GNAT3: variants seen among roughly 807,000 people sequenced by gnomAD.
GNAT3 encodes the protein guanine nucleotide-binding protein G(t) subunit alpha-3.
GNAT3 carries 31 observed loss-of-function variants against 37.7 expected under a neutral mutation model. The observed-to-expected ratio is 0.82, with a 90% confidence interval of 0.62 to 1.11. The LOEUF (loss-of-function observed/expected upper bound fraction) is 1.11. Among genes scored for constraint, GNAT3 ranks in the 50% most tolerant of loss-of-function variants. The pLI is 0.00. For synonymous variants in GNAT3, 138 were observed against 139.8 expected (o/e 0.99, Z 0.09); for missense variants, 437 against 412.5 (o/e 1.06, Z -0.51).
At chr7:80,492,827 G>A (rs1790619777) in intron 2 of GNAT3, among the ~76,000 whole-genome samples, 1 of 150,328 alleles carries the variant, frequency 6.7e-6, no homozygotes, top group Admixed American at 6.6e-5. Flanking sequence ...ATTATTATTG[G>A]GTAATTTTTT....
intron 4 of GNAT3, among the ~76,000 whole-genome samples, chr7:80,475,525 C>G (rs1025073057): frequency 2.0e-5 from 3 of 151,794 alleles, no homozygotes; most frequent in Non-Finnish European, 2.9e-5. Context: ...ACAAATTTCG[C>G]CATTACACTG....
chr7:80,472,878 G>A (rs960146125), intron 5 of GNAT3, among the ~76,000 whole-genome samples: 1 of 152,156 alleles, frequency 6.6e-6, no homozygotes, highest in Admixed American at 6.6e-5. Context: ...TAGGTAACCT[G>A]GAATTGGAAC....
chr7:80,463,003 G>A (rs187652993), intron 5 of GNAT3, among the ~76,000 whole-genome samples: 129 of 152,242 alleles, frequency 8.5e-4, no homozygotes, highest in Admixed American at 2.2e-3. Flanking sequence ...AGTTACTGTA[G>A]TTCTGATGTT....
chr7:80,489,193 T>G (rs74747245), intron 2 of GNAT3, among the ~76,000 whole-genome samples: 8 of 152,224 alleles, frequency 5.3e-5, no homozygotes, highest in Middle Eastern at 6.8e-3. Flanking sequence ...AAATTTCTTG[T>G]CAGTTCTCCA....
chr7:80,482,853 A>AT lies in GNAT3; in HGVS notation c.304-3856dup, dbSNP rs1790415379. ...TCCTTCCTTTTTAAAAAAATATTCT[A>AT]TTTTTAATTTCAATATACTTTATTT... On this transcript the variant is annotated intron_variant, in intron 3 of 7. Coordinates refer to ENST00000398291, the MANE Select transcript of GNAT3 (RefSeq NM_001102386.3). 2.0e-5 allele frequency among the ~76,000 whole-genome samples: 3 copies of AT among 151,782 alleles called. No individual in the cohort carries two copies. In the South Asian group the frequency reaches 6.2e-4, roughly 32 times the overall value.
intron 5 of GNAT3, among the ~76,000 whole-genome samples, chr7:80,467,309 C>T (rs1164159049): frequency 6.6e-6 from 1 of 152,110 alleles, no homozygotes; most frequent in Admixed American, 6.6e-5. Flanking sequence ...TTTTATGACT[C>T]ATTTGATAAA....
chr7:80,502,723 G>T (rs566559968), intron 1 of GNAT3, among the ~76,000 whole-genome samples: 1 of 151,146 alleles, frequency 6.6e-6, no homozygotes, highest in Non-Finnish European at 1.5e-5. Flanking sequence ...AAAAAACATA[G>T]GTTTGAATAT....
At chr7:80,497,664 GTATATACATACATA>G (rs1790757492) in intron 1 of GNAT3, among the ~76,000 whole-genome samples, 1 of 94,088 alleles carries the variant, frequency 1.1e-5, no homozygotes, top group Admixed American at 9.5e-5. Context: ...ATACATATAC[GTATATACATACATA>G]TATACACACA....
At chr7:80,497,601 C>CATATACGTATATACATATACGTATATAT (rs1790749918) in intron 1 of GNAT3, among the ~76,000 whole-genome samples, 1 of 115,632 alleles carries the variant, frequency 8.6e-6, no homozygotes, top group Non-Finnish European at 1.7e-5. Flanking sequence ...TACGTATATA[C>CATATACGTATATACATATACGTATATAT]ATATACGTAT....
intron 1 of GNAT3, among the ~76,000 whole-genome samples, chr7:80,496,441 A>G (rs1790718418): frequency 6.6e-6 from 1 of 151,998 alleles, no homozygotes; most frequent in African/African-American, 2.4e-5. Context: ...CACCCTATTT[A>G]AATTTCTAAT....
Position 80,512,047 on chromosome 7 carries a change from C to G in GNAT3, c.-121G>C. 1 of 624,476 alleles carries G rather than the reference C, an allele frequency of 1.6e-6. No homozygotes were observed. The highest frequency in any genetic ancestry group is 2.9e-5 in the East Asian group (1 of 34,888). 38.7% of individuals were successfully genotyped at this position (624,476 alleles called of 1,614,324 possible). A position where few individuals can be genotyped will look rare whatever the true frequency, so the allele number is the denominator to read the frequency against. ...GCTGAAGTACCTAGCAGTCCATTCCCTAATGCTCTAAGATTCTGCTTTGAC... is the reference window on the plus strand; with the variant it reads ...GCTGAAGTACCTAGCAGTCCATTCCGTAATGCTCTAAGATTCTGCTTTGAC... On this transcript the variant is annotated 5_prime_UTR_variant, in exon 1 of 8. Transcript: ENST00000398291.
chr7:80,496,670 C>T (rs1231690271), intron 1 of GNAT3, among the ~76,000 whole-genome samples: 6 of 152,192 alleles, frequency 3.9e-5, no homozygotes, highest in Non-Finnish European at 8.8e-5. Flanking sequence ...GTGCCTAACT[C>T]AGTAGAATCT....
intron 3 of GNAT3, 144 bp downstream of exon 3, chr7:80,488,391 C>T (rs1426125411): frequency 4.9e-6 from 3 of 608,254 alleles, no homozygotes; most frequent in African/African-American, 3.7e-5. Context: ...AAATCTTACA[C>T]AAAACAGAAT....
At chr7:80,472,836 A>T (rs73386759) in intron 5 of GNAT3, among the ~76,000 whole-genome samples, 8,327 of 152,220 alleles carry the variant, frequency 0.055, 678 homozygotes, top group African/African-American at 0.18. Context: ...AGAAAAGGTT[A>T]ACTGTGTTTC....
intron 5 of GNAT3, among the ~76,000 whole-genome samples, chr7:80,471,541 A>G (rs890922638): frequency 6.6e-6 from 1 of 152,050 alleles, no homozygotes; most frequent in South Asian, 2.1e-4. Context: ...ACTGACTTAT[A>G]AAGGACCACA....
chr7:80,470,390 T>A (rs2116153710), intron 5 of GNAT3, among the ~76,000 whole-genome samples: 1 of 152,184 alleles, frequency 6.6e-6, no homozygotes, highest in African/African-American at 2.4e-5. Context: ...CCCCGCTAAT[T>A]TTTGTATTTT....
At chr7:80,493,426 T>C (rs912820755) in intron 2 of GNAT3, among the ~76,000 whole-genome samples, 1 of 152,192 alleles carries the variant, frequency 6.6e-6, no homozygotes, top group East Asian at 1.9e-4. Flanking sequence ...TTGGTTGATA[T>C]AAAACTTACA....
intron 1 of GNAT3, among the ~76,000 whole-genome samples, chr7:80,510,240 C>T (rs570823000): frequency 1.3e-5 from 2 of 152,174 alleles, no homozygotes; most frequent in African/African-American, 2.4e-5. Context: ...TCTCAAGAGT[C>T]ATTGCTTTTG....
intron 1 of GNAT3, among the ~76,000 whole-genome samples, chr7:80,507,506 A>G (rs1790970349): frequency 6.6e-6 from 1 of 152,022 alleles, no homozygotes; most frequent in Admixed American, 6.6e-5. Context: ...ATGCCAAAGA[A>G]TAAACCACGT....
Sources: gnomAD v4.1 joint callset for allele counts (sites outside exome capture counted in the v4.1 genomes callset) on GRCh38, gnomAD v4.1.1 for gene constraint, MANE v1.5 for transcripts, NCBI Gene and HGNC (gene_info 2026-07-23, HGNC 2026-07-21) for gene names.